The following TAB1 variants were observed in gnomAD, a reference collection of about 807,000 sequenced individuals.
TAB1 encodes TGF-beta activated kinase 1 (MAP3K7) binding protein 1, also known as TGF-beta-activated kinase 1 and MAP3K7-binding protein 1.
A neutral mutation model predicts 54.5 loss-of-function variants in TAB1; 30 were observed. The ratio of observed to expected loss-of-function variants is 0.55; its 90% confidence interval spans 0.41 to 0.75. TAB1 has a LOEUF of 0.75. Among genes scored for constraint, TAB1 ranks in the 30% least tolerant of loss-of-function variants. The pLI is 0.00. For missense variants in TAB1, 609 were observed against 683.2 expected (o/e 0.89, Z 1.21); for synonymous variants, 289 against 286.9 (o/e 1.01, Z -0.07).
At position 39,415,939 on chromosome 22, in the gene TAB1, C is replaced by T. The variant is rs921638152; in HGVS notation, c.324+286C>T. On this transcript the variant is annotated intron_variant, in intron 3 of 10. Coordinates refer to ENST00000216160, the MANE Select transcript of TAB1 (RefSeq NM_006116.3). The surrounding 1 kb of genome is among the most constrained non-coding windows in gnomAD (Gnocchi z 4.9). ...GTGTGAGGTGGGAGCAGGGCAAGGC[C>T]TGGTAGAAATGGGGTCATTTAGAGC... 1.3e-5 allele frequency among the ~76,000 whole-genome samples: 2 copies of T among 152,162 alleles called. No individual in the cohort carries two copies. The highest frequency in any genetic ancestry group is 4.8e-5 in the African/African-American group (2 of 41,436).
At chr22:39,416,935 C>T in intron 4 of TAB1, 58 bp downstream of exon 4, 1 of 1,528,700 alleles carries the variant, frequency 6.5e-7, no homozygotes, top group Non-Finnish European at 9.1e-7. Context: ...TTGCAAGGAG[C>T]ATGGACTCAT....
At chr22:39,428,623 T>C (rs192396348) in intron 10 of TAB1, among the ~76,000 whole-genome samples, 1 of 152,274 alleles carries the variant, frequency 6.6e-6, no homozygotes, top group East Asian at 1.9e-4. Context: ...GGCAACAGCC[T>C]GAGGGGGATG....
intron 1 of TAB1, among the ~76,000 whole-genome samples, chr22:39,400,744 A>C (rs1926101544): frequency 6.6e-6 from 1 of 152,140 alleles, no homozygotes; most frequent in Middle Eastern, 3.2e-3. Flanking sequence ...CTGTACTAGA[A>C]AGTAAACTCC....
chr22:39,400,616 T>G (rs1569190701), intron 1 of TAB1, among the ~76,000 whole-genome samples: 1 of 152,142 alleles, frequency 6.6e-6, no homozygotes, highest in South Asian at 2.1e-4. Flanking sequence ...TATGTGCACA[T>G]AGATGCACAC....
chr22:39,432,720 A>G (rs9611174), downstream of TAB1: 157,780 of 984,268 alleles, frequency 0.16, 12,956 homozygotes, highest in Admixed American at 0.26. Context: ...AGTGGCCACC[A>G]TGCAACTCTG....
intron 8 of TAB1, among the ~76,000 whole-genome samples, chr22:39,423,132 C>G (rs546160137): frequency 6.6e-6 from 1 of 152,202 alleles, no homozygotes; most frequent in East Asian, 1.9e-4. Context: ...GCCACCACAC[C>G]TGGCTAATTT....
chr22:39,422,808 T>C (rs1406537133), intron 8 of TAB1, among the ~76,000 whole-genome samples: 2 of 152,158 alleles, frequency 1.3e-5, no homozygotes, highest in African/African-American at 2.4e-5. Context: ...ATTTTTCTTA[T>C]ACCTTGGAGT....
Position 39,430,363 on chromosome 22 carries a change from G to A in TAB1, c.*141G>A, listed in dbSNP as rs548123909. The A allele has an allele frequency of 8.8e-6, 13 of 1,484,580 alleles. No homozygotes were observed. The African/African-American group carries it at 9.7e-5, about 11-fold the overall frequency. The allele number at this position is 1,484,580 out of a possible 1,614,324, so 92.0% of individuals were successfully genotyped here. A position where few individuals can be genotyped will look rare whatever the true frequency, so the allele number is the denominator to read the frequency against. On this transcript the variant is annotated 3_prime_UTR_variant, in exon 11 of 11. Transcript: ENST00000216160. ...AGCAGACTCTGTCCCATGGCTCTCC[G>A]GGCAGTAGAGTGTGTGAGTGCAGAC...
At chr22:39,401,846 G>A (rs1926158265) in intron 1 of TAB1, among the ~76,000 whole-genome samples, 1 of 152,188 alleles carries the variant, frequency 6.6e-6, no homozygotes, top group African/African-American at 2.4e-5. Flanking sequence ...GCTTGCTGAT[G>A]TCACATCCAC....
intron 10 of TAB1, chr22:39,429,118 A>T: frequency 2.0e-6 from 2 of 984,656 alleles, no homozygotes; most frequent in Non-Finnish European, 2.4e-6. Context: ...TGTGTTCCTC[A>T]CTCCTTTCAG....
At chr22:39,429,358 C>T (rs1321479645) in intron 10 of TAB1, 6 of 985,446 alleles carry the variant, frequency 6.1e-6, no homozygotes, top group Non-Finnish European at 6.0e-6. Context: ...AATGGACAGT[C>T]GGTGGTTCAG....
At chr22:39,413,689 T>G (rs1926704616) in intron 1 of TAB1, among the ~76,000 whole-genome samples, 1 of 152,252 alleles carries the variant, frequency 6.6e-6, no homozygotes, top group South Asian at 2.1e-4. Context: ...CTTCCCAAAG[T>G]GCTGGGATTA....
rs1364903805 is a variant in TAB1 at position 39,431,168 on chromosome 22, G to A, written c.*946G>A. On this transcript the variant is annotated 3_prime_UTR_variant, in exon 11 of 11. Transcript: ENST00000216160. ...TTGAAAGAAAGAGGAGTGGAAAATG[G>A]TTCCAGGAGGGAAGAGGTTCTTTGA... 8.1e-6 allele frequency: 8 copies of A among 985,642 alleles called. No individual in the cohort carries two copies. Among genetic ancestry groups the A allele is most frequent in the Non-Finnish European group, 9.6e-6 (8 of 830,184 alleles). The allele number at this position is 985,642 out of a possible 1,614,324, so 61.1% of individuals were successfully genotyped here.
At chr22:39,412,976 A>ACGATCT (rs902081281) in intron 1 of TAB1, among the ~76,000 whole-genome samples, 9 of 138,718 alleles carry the variant, frequency 6.5e-5, no homozygotes, top group African/African-American at 2.5e-4. Flanking sequence ...GTGCAGTTGC[A>ACGATCT]CGATCTCGGC....
At chr22:39,423,992 C>G (rs572739946) in intron 8 of TAB1, among the ~76,000 whole-genome samples, 20 of 152,264 alleles carry the variant, frequency 1.3e-4, no homozygotes, top group African/African-American at 3.6e-4. Flanking sequence ...TGTTTTATCC[C>G]TAGCACCACT....
At chr22:39,436,838 G>T, downstream of TAB1, 1 of 460,082 alleles carries the variant, frequency 2.2e-6, no homozygotes, top group Non-Finnish European at 3.9e-6. Flanking sequence ...GTGAGCTCAG[G>T]GCTCTTGGAA....
intron 1 of TAB1, 53 bp downstream of exon 1, chr22:39,399,888 G>C: frequency 6.4e-7 from 1 of 1,554,092 alleles, no homozygotes. Context: ...GGGCGGGGGT[G>C]CTGTCGGGTG....
intron 1 of TAB1, among the ~76,000 whole-genome samples, chr22:39,403,724 C>T (rs1485559102): frequency 2.6e-5 from 4 of 151,614 alleles, no homozygotes; most frequent in Admixed American, 6.6e-5. Context: ...CTGCAAGCTC[C>T]GCCTCCCAGG....
intron 1 of TAB1, among the ~76,000 whole-genome samples, chr22:39,408,277 G>A (rs569082636): frequency 2.0e-5 from 3 of 152,222 alleles, no homozygotes; most frequent in Non-Finnish European, 4.4e-5. Flanking sequence ...CAGACACACA[G>A]TTTTTCTCAT....
Sources: gnomAD v4.1 joint callset for allele counts (sites outside exome capture counted in the v4.1 genomes callset) on GRCh38, gnomAD v4.1.1 for gene constraint, Gnocchi (gnomAD v3.1) non-coding constraint, MANE v1.5 for transcripts, NCBI Gene and HGNC (gene_info 2026-07-23, HGNC 2026-07-21) for gene names.